The following GSTCD variants were observed in gnomAD, a reference collection of about 807,000 sequenced individuals.
GSTCD encodes the protein glutathione S-transferase C-terminal domain-containing protein.
Under a neutral mutation model 68.3 loss-of-function variants are expected in GSTCD, and 44 were observed. The ratio of observed to expected loss-of-function variants is 0.64; its 90% CI spans 0.51 to 0.83. The LOEUF (loss-of-function observed/expected upper bound fraction) is 0.83, where lower values mean the gene tolerates loss of function less well. GSTCD is among the 40% of genes least tolerant of loss of function. The pLI is 0.00. For missense variants in GSTCD, 739 were observed against 735.9 expected (o/e 1.00, Z -0.05); for synonymous variants, 273 against 255.2 (o/e 1.07, Z -0.67).
chr4:105,746,729 T>C lies in GSTCD; in HGVS notation c.1240+17230T>C, dbSNP rs1316847768. Among the ~76,000 whole-genome samples the C allele has an allele frequency of 5.9e-5, 9 of 152,230 alleles. 1 individual carries two copies. Among genetic ancestry groups the C allele is most frequent in the Admixed American group, 5.9e-4 (9 of 15,284 alleles). Reference sequence around the variant, plus strand: ...TGACTAAAGTTTTAAATGTAAAGGCTTATCCTTATGAGGATCATTTATATA... The same window carrying C: ...TGACTAAAGTTTTAAATGTAAAGGCCTATCCTTATGAGGATCATTTATATA... On this transcript the variant is annotated intron_variant, in intron 5 of 11. Transcript: ENST00000515279.
rs114815407 is a variant in GSTCD, at chr4:105,790,492, A to G, written c.1241-32462A>G. Among the ~76,000 whole-genome samples, 692 of 152,180 alleles carry G rather than the reference A, an allele frequency of 4.5e-3. 10 individuals are homozygous for G. The highest frequency in any genetic ancestry group is 0.016 in the African/African-American group (664 of 41,434). On this transcript the variant is annotated intron_variant, in intron 5 of 11. Coordinates refer to ENST00000515279, the MANE Select transcript of GSTCD (RefSeq NM_001370181.1). Reference sequence around the variant, plus strand: ...TTGTCTGTAAAAAAATTTTAAAACAATTAGCCAGGTGTAGTGGTAATGCCT... The same window carrying G: ...TTGTCTGTAAAAAAATTTTAAAACAGTTAGCCAGGTGTAGTGGTAATGCCT...
chr4:105,721,615 A>T (rs892153437), intron 3 of GSTCD, among the ~76,000 whole-genome samples: 2 of 152,216 alleles, frequency 1.3e-5, no homozygotes, highest in Admixed American at 1.3e-4. Context: ...CAAAGATGGA[A>T]AACAATAACA....
chr4:105,795,822 G>T (rs538917594), intron 5 of GSTCD, among the ~76,000 whole-genome samples: 1 of 152,172 alleles, frequency 6.6e-6, no homozygotes, highest in South Asian at 2.1e-4. Context: ...GTGTATTTTA[G>T]CTTCCCTTGT....
intron 5 of GSTCD, among the ~76,000 whole-genome samples, chr4:105,807,451 C>T (rs1261940678): frequency 6.6e-6 from 1 of 152,022 alleles, no homozygotes; most frequent in Admixed American, 6.6e-5. Context: ...CAAAGATAGG[C>T]ATTGTTTTTA....
chr4:105,756,945 T>TA (rs1191787884), intron 5 of GSTCD, among the ~76,000 whole-genome samples: 1 of 152,192 alleles, frequency 6.6e-6, no homozygotes, highest in Admixed American at 6.5e-5. Context: ...AGTCACCACT[T>TA]ACAGCATCTA....
At chr4:105,746,497 G>A (rs1302191862) in intron 5 of GSTCD, 1 of 152,124 alleles carries the variant, frequency 6.6e-6, no homozygotes, top group Non-Finnish European at 1.5e-5. Context: ...TTTCTAGAAG[G>A]CTTTAAAGCT....
intron 5 of GSTCD, among the ~76,000 whole-genome samples, chr4:105,774,898 A>C (rs1305281411): frequency 6.6e-6 from 1 of 151,576 alleles, no homozygotes; most frequent in Admixed American, 6.6e-5. Context: ...AATTGGGCCT[A>C]TCTTTCTAGA....
At chr4:105,775,909 A>G (rs1735040831) in intron 5 of GSTCD, among the ~76,000 whole-genome samples, 1 of 152,202 alleles carries the variant, frequency 6.6e-6, no homozygotes, top group African/African-American at 2.4e-5. Context: ...CAGAGCCAAC[A>G]GGCAGGAACA....
At chr4:105,757,039 C>T (rs1734224066) in intron 5 of GSTCD, among the ~76,000 whole-genome samples, 1 of 152,098 alleles carries the variant, frequency 6.6e-6, no homozygotes, top group South Asian at 2.1e-4. Context: ...ATTTATTAAC[C>T]TAAGGGACTG....
intron 5 of GSTCD, among the ~76,000 whole-genome samples, chr4:105,747,367 C>G (rs959122828): frequency 5.3e-5 from 8 of 152,204 alleles, no homozygotes; most frequent in African/African-American, 9.7e-5. Flanking sequence ...TTGCAGGGCC[C>G]TACCCCACAG....
chr4:105,758,277 C>G lies in GSTCD; in HGVS notation c.1240+28778C>G, dbSNP rs539648221. Among the ~76,000 whole-genome samples the G allele has an allele frequency of 2.6e-5, 4 of 152,238 alleles. No individual in the cohort carries two copies. In the South Asian group the frequency reaches 8.3e-4, roughly 32 times the overall value. On this transcript the variant is annotated intron_variant, in intron 5 of 11. Transcript: ENST00000515279. Reference sequence around the variant, plus strand: ...AGCTTTTTCTATACTTTTGGTTATTCCCCGTGATACAGCTTTTTGAATATT... The same window carrying G: ...AGCTTTTTCTATACTTTTGGTTATTGCCCGTGATACAGCTTTTTGAATATT...
chr4:105,834,324 C>T (rs996869815), intron 8 of GSTCD, 137 bp from the exon 9 acceptor site: 3 of 656,566 alleles, frequency 4.6e-6, no homozygotes, highest in African/African-American at 3.6e-5. Flanking sequence ...TTCAAACTTG[C>T]TTAGTTTTCA....
intron 5 of GSTCD, among the ~76,000 whole-genome samples, chr4:105,801,238 A>C (rs1019876387): frequency 1.3e-5 from 2 of 152,164 alleles, no homozygotes; most frequent in Non-Finnish European, 2.9e-5. Context: ...GGAACATGTA[A>C]TCAGGTGACT....
rs532051572 is a variant in GSTCD at position 105,837,519 on chromosome 4, G to T, written c.1665-340G>T. On this transcript the variant is annotated intron_variant, in intron 9 of 11. Transcript: ENST00000515279. ...GTAATAAAGTATCTTTTCAATGGCA[G>T]TCCTCTCCTGATCTGTTGGCTGTGC... 4.6e-5 allele frequency among the ~76,000 whole-genome samples: 7 copies of T among 152,184 alleles called. No homozygotes were observed. In the South Asian group the frequency reaches 1.5e-3, roughly 32 times the overall value.
At chr4:105,740,799 T>C (rs1461484648) in intron 5 of GSTCD, among the ~76,000 whole-genome samples, 1 of 152,074 alleles carries the variant, frequency 6.6e-6, no homozygotes, top group Non-Finnish European at 1.5e-5. Context: ...CTGGCCTCTT[T>C]TTGTCCTACT....
chr4:105,808,714 G>A (rs1183445246), intron 5 of GSTCD, among the ~76,000 whole-genome samples: 1 of 152,054 alleles, frequency 6.6e-6, no homozygotes, highest in Admixed American at 6.6e-5. Context: ...GCAGTCAACT[G>A]TGGCCCAAAA....
intron 5 of GSTCD, among the ~76,000 whole-genome samples, chr4:105,762,785 G>A (rs1734463671): frequency 6.6e-6 from 1 of 152,026 alleles, no homozygotes; most frequent in East Asian, 1.9e-4. Flanking sequence ...TTATTCTTGA[G>A]TATAATATCT....
At chr4:105,840,638 C>T (rs1724297910) in intron 10 of GSTCD, among the ~76,000 whole-genome samples, 1 of 152,188 alleles carries the variant, frequency 6.6e-6, no homozygotes, top group Non-Finnish European at 1.5e-5. Context: ...GTCGTGGGAT[C>T]ATTGCTTCAT....
At chr4:105,771,629 C>A (rs1269108301) in intron 5 of GSTCD, among the ~76,000 whole-genome samples, 2 of 152,170 alleles carry the variant, frequency 1.3e-5, no homozygotes, top group Non-Finnish European at 2.9e-5. Context: ...AATAGGGAAT[C>A]CTTTTCCCAT....
Sources: gnomAD v4.1 joint callset for allele counts (sites outside exome capture counted in the v4.1 genomes callset) on GRCh38, gnomAD v4.1.1 for gene constraint, MANE v1.5 for transcripts, NCBI Gene and HGNC (gene_info 2026-07-23, HGNC 2026-07-21) for gene names.